NSD3: variants seen among roughly 807,000 people sequenced by gnomAD.
The protein encoded by NSD3 is nuclear receptor binding SET domain protein 3, also known as histone-lysine N-methyltransferase NSD3.
A neutral mutation model predicts 160.8 loss-of-function variants in NSD3; 24 were observed. The ratio of observed to expected loss-of-function variants is 0.15; its 90% CI spans 0.11 to 0.21. The LOEUF (loss-of-function observed/expected upper bound fraction) is 0.21, where lower values mean the gene tolerates loss of function less well. NSD3 is among the 10% of genes least tolerant of loss of function. The pLI is 1.00. For synonymous variants in NSD3, 520 were observed against 600.0 expected (o/e 0.87, Z 1.95); for missense variants, 1,157 against 1,735.9 (o/e 0.67, Z 5.93).
At chr8:38,300,357 C>T (rs1160609973) in intron 14 of NSD3, among the ~76,000 whole-genome samples, 1 of 151,938 alleles carries the variant, frequency 6.6e-6, no homozygotes, top group African/African-American at 2.4e-5. Context: ...GAGATGGGGT[C>T]TATAATAGCT....
rs1377391539 is a variant in NSD3 at position 38,347,691 on chromosome 8, T to C, written c.481A>G (p.Ile161Val). The C allele has an allele frequency of 6.2e-7, 1 of 1,612,658 alleles. No homozygotes were observed. The highest frequency in any genetic ancestry group is 2.2e-5 in the East Asian group (1 of 44,892). ...PEIKLKITKT[I>V]QNGRELFESS... ...TCAAACAATTCCCTGCCATTCTGGA[T>C]AGTTTTGGTTATTTTTAGTTTAATT... is the stretch of plus-strand genomic sequence containing the variant. Residue 161 changes from isoleucine (I) to valine (V), a missense_variant, in exon 2 of 24, where the codon ATC becomes GTC. This residue lies in a region of NSD3 where 4 missense variants were observed against 28.4 expected (regional missense o/e 0.14). Transcript: ENST00000317025.
intron 1 of NSD3, among the ~76,000 whole-genome samples, chr8:38,369,140 TG>T (rs1811176049): frequency 1.3e-5 from 2 of 152,206 alleles, no homozygotes; most frequent in Admixed American, 6.5e-5. Context: ...GTTTGGGTTT[TG>T]TTTTTTTTGT....
intron 1 of NSD3, among the ~76,000 whole-genome samples, chr8:38,371,115 TAA>T (rs959046101): frequency 2.6e-5 from 4 of 151,862 alleles, no homozygotes; most frequent in Non-Finnish European, 5.9e-5. Context: ...TATTAAATAA[TAA>T]AACATATTAC....
intron 12 of NSD3, among the ~76,000 whole-genome samples, chr8:38,308,829 A>G (rs1018766964): frequency 3.3e-5 from 5 of 152,088 alleles, no homozygotes; most frequent in Non-Finnish European, 7.4e-5. Context: ...AAAATATAAA[A>G]TAAGCCTTCA....
intron 20 of NSD3, 139 bp downstream of exon 20, chr8:38,281,328 G>C (rs1277294153): frequency 4.9e-6 from 2 of 410,362 alleles, no homozygotes; most frequent in African/African-American, 4.1e-5. Flanking sequence ...CATTATAGTA[G>C]GCAGCACACT....
In NSD3 at chr8:38,299,517, T is replaced by C. The variant is rs1046394306; in HGVS notation, c.2685A>G (p.Glu895=). Residue 895 remains glutamate (E), a synonymous_variant, in exon 15 of 24, where the codon GAA becomes GAG. Coordinates refer to ENST00000317025, the MANE Select transcript of NSD3 (RefSeq NM_023034.2). ...YAYKSHYLLN[E]SNRAELMKLP... ...ATTTCATCAACTCAGCACGATTTGATTCATTCAGTAGGTAGTGGGACTTAT... is the reference window on the plus strand; with the variant it reads ...ATTTCATCAACTCAGCACGATTTGACTCATTCAGTAGGTAGTGGGACTTAT... 6.2e-7 allele frequency: 1 copy of C among 1,613,786 alleles called. No homozygotes were observed. Among genetic ancestry groups the C allele is most frequent in the African/African-American group, 1.3e-5 (1 of 74,924 alleles).
In NSD3 at chr8:38,316,169, G is replaced by T. The variant is rs893500984; in HGVS notation, c.1856-127C>A. On this transcript the variant is annotated intron_variant, in intron 9 of 23. Coordinates refer to ENST00000317025, the MANE Select transcript of NSD3 (RefSeq NM_023034.2). This position sits in a 1 kb window ranked among gnomAD's most constrained non-coding sequence, Gnocchi z 4.5. Reference sequence around the variant, plus strand: ...GTGTGGAAAAAGCATAGCTCTCTTTGTAACACTGAAATAATGAGTCAAAAC... The same window carrying T: ...GTGTGGAAAAAGCATAGCTCTCTTTTTAACACTGAAATAATGAGTCAAAAC... 4 of 1,332,064 alleles carry T rather than the reference G, an allele frequency of 3.0e-6. No homozygotes were observed. Among genetic ancestry groups the T allele is most frequent in the Admixed American group, 2.6e-5 (1 of 39,034 alleles). 82.5% of individuals were successfully genotyped at this position (1,332,064 alleles called of 1,614,324 possible).
At chr8:38,295,100 C>T (rs559940697) in intron 16 of NSD3, among the ~76,000 whole-genome samples, 1 of 142,808 alleles carries the variant, frequency 7.0e-6, no homozygotes, top group Non-Finnish European at 1.5e-5. Context: ...GCCAAGATCG[C>T]GCAACTGCAC....
chr8:38,380,724 G>A (rs1031199439), intron 1 of NSD3: 2 of 152,118 alleles, frequency 1.3e-5, no homozygotes, highest in African/African-American at 4.8e-5. Flanking sequence ...AATGACCCAA[G>A]ACGTAAGGGG....
rs370576675 is a variant in NSD3, at chr8:38,382,216, G to C, written c.-462C>G. 1.2e-5 allele frequency: 2 copies of C among 165,776 alleles called. No homozygotes were observed. The highest frequency in any genetic ancestry group is 1.3e-5 in the Non-Finnish European group (1 of 79,002). The allele number at this position is 165,776 out of a possible 1,614,324, so 10.3% of individuals were successfully genotyped here. The stretch of plus-strand genomic sequence containing the variant: ...CCTGTGCACAGCCCCCTCGGCCTCC[G>C]CCTCCGTGCTGGCCGCCGCCGCCGC... On this transcript the variant is annotated 5_prime_UTR_variant, in exon 1 of 24. Transcript: ENST00000317025. The surrounding 1 kb of genome is among the most constrained non-coding windows in gnomAD (Gnocchi z 4.2).
rs1446100886 is a variant in NSD3 at position 38,275,082 on chromosome 8, G to A, written c.*559C>T. The A allele has an allele frequency of 4.3e-6, 1 of 231,784 alleles. No homozygotes were observed. The highest frequency in any genetic ancestry group is 6.1e-5 in the East Asian group (1 of 16,310). The allele number at this position is 231,784 out of a possible 1,614,324, so 14.4% of individuals were successfully genotyped here. A position where few individuals can be genotyped will look rare whatever the true frequency, so the allele number is the denominator to read the frequency against. The stretch of plus-strand genomic sequence containing the variant: ...GAGCCCTTCTCTAAGCCTATGAAAA[G>A]CATTTTGAAGGGAAAGAGAAGTGAG... On this transcript the variant is annotated 3_prime_UTR_variant, in exon 24 of 24. Coordinates refer to ENST00000317025, the MANE Select transcript of NSD3 (RefSeq NM_023034.2).
rs1808497284 is a variant in NSD3 at position 38,272,138 on chromosome 8, A to AT, written c.*3502dup. 6.6e-6 allele frequency: 1 copy of AT among 152,188 alleles called. No individual in the cohort carries two copies. Among genetic ancestry groups the AT allele is most frequent in the Non-Finnish European group, 1.5e-5 (1 of 68,028 alleles). 9.4% of individuals were successfully genotyped at this position (152,188 alleles called of 1,614,324 possible). ...CTCAATATCTCAGTTCCACAACGTT[A>AT]TTTACAGACATGTTTTCAAATATTT... On this transcript the variant is annotated 3_prime_UTR_variant, in exon 24 of 24. Coordinates refer to ENST00000317025, the MANE Select transcript of NSD3 (RefSeq NM_023034.2).
At chr8:38,286,935 C>T (rs1224355343) in intron 19 of NSD3, among the ~76,000 whole-genome samples, 1 of 152,222 alleles carries the variant, frequency 6.6e-6, no homozygotes, top group East Asian at 1.9e-4. Flanking sequence ...CTGTCACCAG[C>T]TAGCCCCTTT....
chr8:38,276,674 T>C, intron 22 of NSD3, 174 bp from the exon 23 acceptor site: 1 of 674,490 alleles, frequency 1.5e-6, no homozygotes, highest in Non-Finnish European at 2.5e-6. Context: ...AGTTTTGTTT[T>C]CACTGACTTA....
chr8:38,305,828 T>C (rs530828393), intron 12 of NSD3, among the ~76,000 whole-genome samples: 1 of 152,202 alleles, frequency 6.6e-6, no homozygotes, highest in Admixed American at 6.5e-5. Flanking sequence ...GTGCAAAATA[T>C]ACATAAAATG....
rs368292682 is a variant in NSD3, at chr8:38,314,870, C to A, written c.2116-97G>T. On this transcript the variant is annotated intron_variant, in intron 11 of 23. Coordinates refer to ENST00000317025, the MANE Select transcript of NSD3 (RefSeq NM_023034.2). ...CACAAATTACCGGGTCCCTCACCCA[C>A]AGACTGTGATTCAGTAGGTCTGGCG... 3.6e-5 allele frequency: 48 copies of A among 1,349,790 alleles called. 1 individual carries two copies. The highest frequency in any genetic ancestry group is 2.3e-4 in the East Asian group (9 of 39,880). The allele number at this position is 1,349,790 out of a possible 1,614,324, so 83.6% of individuals were successfully genotyped here. A position where few individuals can be genotyped will look rare whatever the true frequency, so the allele number is the denominator to read the frequency against.
At chr8:38,296,669 T>C (rs889618242) in intron 15 of NSD3, among the ~76,000 whole-genome samples, 10 of 132,112 alleles carry the variant, frequency 7.6e-5, no homozygotes, top group Admixed American at 5.1e-4. Context: ...TCTCTCTCTC[T>C]CCCTCTGTGT....
At chr8:38,341,336 G>A (rs780504300) in intron 2 of NSD3, among the ~76,000 whole-genome samples, 10 of 152,022 alleles carry the variant, frequency 6.6e-5, no homozygotes, top group Admixed American at 2.0e-4. Flanking sequence ...TCAGGAGTTC[G>A]AGACCAGCCG....
intron 15 of NSD3, among the ~76,000 whole-genome samples, chr8:38,298,492 C>T (rs1307014137): frequency 6.6e-6 from 1 of 151,770 alleles, no homozygotes; most frequent in East Asian, 1.9e-4. Context: ...ACAGGCAACA[C>T]AAAGAATTTT....
Sources: gnomAD v4.1 joint callset for allele counts (sites outside exome capture counted in the v4.1 genomes callset) on GRCh38, gnomAD v4.1.1 for gene constraint, gnomAD v4.1.1 regional missense constraint, Gnocchi (gnomAD v3.1) non-coding constraint, MANE v1.5 for transcripts, NCBI Gene and HGNC (gene_info 2026-07-23, HGNC 2026-07-21) for gene names.